Variants in RHOC observed in about 807,000 individuals in gnomAD.
RHOC encodes the protein rho-related GTP-binding protein RhoC.
RHOC carries 13 observed loss-of-function variants against 19.5 expected under a neutral mutation model. That is an observed-to-expected ratio of 0.67 (90% CI 0.43 to 1.06). The LOEUF is 1.06. Ranked by LOEUF, RHOC falls within the 50% of genes least tolerant of loss-of-function variation. The pLI, the probability that RHOC is intolerant of heterozygous loss-of-function variation, is 0.00. For missense variants in RHOC, 173 were observed against 256.9 expected, an observed-to-expected ratio of 0.67 and a Z score of 2.23; for synonymous variants, 106 against 97.3, an observed-to-expected ratio of 1.09 and a Z score of -0.52.
At chr1:112,702,208 C>T (rs1674670694) in intron 5 of RHOC, among the ~76,000 whole-genome samples, 1 of 152,130 alleles carries the variant, frequency 6.6e-6, no homozygotes, top group Admixed American at 6.5e-5. Context: ...TGCCCTCATT[C>T]CCGCATCCAC....
At chr1:112,704,693 GC>G (rs923180284) in intron 2 of RHOC, 4 of 192,176 alleles carry the variant, frequency 2.1e-5, no homozygotes, top group African/African-American at 9.2e-5. Context: ...GGTCCCCAAA[GC>G]CCCAAGTAAT....
At chr1:112,705,294 C>T in intron 1 of RHOC, 126 bp from the exon 2 acceptor site, 1 of 658,042 alleles carries the variant, frequency 1.5e-6, no homozygotes, top group East Asian at 2.7e-5. Flanking sequence ...AACCTGATCT[C>T]AGCCTCAAAC....
chr1:112,702,828 A>G, intron 4 of RHOC, 135 bp from the exon 5 acceptor site: 1 of 1,370,838 alleles, frequency 7.3e-7, no homozygotes, highest in South Asian at 1.3e-5. Context: ...CAAAACCTCA[A>G]CAGTAGTATG....
At position 112,701,541 on chromosome 1, in the gene RHOC, C is replaced by G. The variant is rs780659247; in HGVS notation, c.581G>C (p.Ter194SerextTer31). 1 of 1,613,988 alleles carries G rather than the reference C, an allele frequency of 6.2e-7. No individual in the cohort carries two copies. Among genetic ancestry groups the G allele is most frequent in the Non-Finnish European group, 8.5e-7 (1 of 1,180,000 alleles). The part of the protein sequence containing the change: ...NKRRRGCPIL[*>S] ...CATGTAGGAAAGGCCTTGGGGATCT[C>G]AGAGAATGGGACAGCCCCTCCGACG... Residue 194 changes from the stop codon to serine (S), a stop_lost, in exon 6 of 6, where the codon TGA (stop) becomes TCA (serine). Transcript: ENST00000339083.
intron 1 of RHOC, 110 bp from the exon 2 acceptor site, chr1:112,705,278 G>A (rs942896603): frequency 3.0e-6 from 2 of 676,052 alleles, no homozygotes; most frequent in Non-Finnish European, 5.4e-6. Context: ...TTAAGAAAGC[G>A]ACGGTAACCT....
At chr1:112,705,001 T>G in intron 2 of RHOC, 99 bp downstream of exon 2, 1 of 668,430 alleles carries the variant, frequency 1.5e-6, no homozygotes, top group Non-Finnish European at 2.8e-6. Flanking sequence ...CGGGCTTCCA[T>G]GTGTCCCCCA....
In RHOC at chr1:112,703,105, C is replaced by G; in HGVS notation, c.171G>C (p.Leu57=). The part of the protein sequence containing the change: ...EVDGKQVELA[L]WDTAGQEDYD... ...AGTCTTCCTGCCCTGCTGTGTCCCACAGAGCCAGCTCCACCTGACACACAG... is the reference window on the plus strand; with the variant it reads ...AGTCTTCCTGCCCTGCTGTGTCCCAGAGAGCCAGCTCCACCTGACACACAG... The change falls in exon 4 of 6, where the codon CTG becomes CTC. Residue 57 remains leucine (L), a synonymous_variant. Coordinates refer to ENST00000339083, the MANE Select transcript of RHOC (RefSeq NM_175744.5). The G allele has an allele frequency of 6.2e-7, 1 of 1,614,158 alleles. No homozygotes were observed. Among genetic ancestry groups the G allele is most frequent in the Non-Finnish European group, 8.5e-7 (1 of 1,180,008 alleles).
At chr1:112,703,622 G>A in intron 3 of RHOC, 22 bp downstream of exon 3, 2 of 1,601,160 alleles carry the variant, frequency 1.2e-6, no homozygotes, top group South Asian at 1.1e-5. Context: ...GGGTGGGGTG[G>A]GAAGGGCATT....
intron 3 of RHOC, 192 bp from the exon 4 acceptor site, chr1:112,703,311 G>GC: frequency 1.4e-6 from 1 of 740,280 alleles, no homozygotes; most frequent in South Asian, 1.6e-5. Context: ...AGACGTGTTT[G>GC]ACCCTTGAGT....
chr1:112,701,261 T>C lies in RHOC; in HGVS notation c.*279A>G. 1 of 770,882 alleles carries C rather than the reference T, an allele frequency of 1.3e-6. No individual in the cohort carries two copies. Among genetic ancestry groups the C allele is most frequent in the Non-Finnish European group, 2.0e-6 (1 of 490,038 alleles). The allele number at this position is 770,882 out of a possible 1,614,324, so 47.8% of individuals were successfully genotyped here. ...CAGACACTTTCCTGTGAGCCAGAAG[T>C]GTATAAAGTGCTGGTGTGTGACCAT... is the stretch of plus-strand genomic sequence containing the variant. On this transcript the variant is annotated 3_prime_UTR_variant, in exon 6 of 6. Transcript: ENST00000339083.
rs1283832866 is a variant in RHOC, at chr1:112,703,075, A to G, written c.201T>C (p.Asp67=). 2 of 1,614,060 alleles carry G rather than the reference A, an allele frequency of 1.2e-6. No homozygotes were observed. The highest frequency in any genetic ancestry group is 1.7e-5 in the Admixed American group (1 of 60,004). Residue 67 remains aspartate (D), a synonymous_variant, in exon 4 of 6, where the codon GAT becomes GAC. Coordinates refer to ENST00000339083, the MANE Select transcript of RHOC (RefSeq NM_175744.5). ...CCGGGTAGGAGAGAGGCCGCAGTCG[A>G]TCATAGTCTTCCTGCCCTGCTGTGT... The part of the protein sequence containing the change: ...LWDTAGQEDY[D]RLRPLSYPDT...
intron 1 of RHOC, 43 bp from the exon 2 acceptor site, chr1:112,705,211 G>A: frequency 4.3e-6 from 3 of 701,748 alleles, no homozygotes; most frequent in South Asian, 3.0e-5. Context: ...GCTGGGAGGA[G>A]CCCCAAAAGA....
intron 1 of RHOC, among the ~76,000 whole-genome samples, chr1:112,706,424 T>TACACACACACA (rs1674841154): frequency 7.0e-5 from 5 of 71,090 alleles, no homozygotes; most frequent in Non-Finnish European, 8.8e-5. Context: ...TCTCTCTCTC[T>TACACACACACA]CTCTCTACAC....
At position 112,701,222 on chromosome 1, in the gene RHOC, T is replaced by C. The variant is rs912228249; in HGVS notation, c.*318A>G. 1 of 637,532 alleles carries C rather than the reference T, an allele frequency of 1.6e-6. No homozygotes were observed. The highest frequency in any genetic ancestry group is 2.7e-6 in the Non-Finnish European group (1 of 376,666). 39.5% of individuals were successfully genotyped at this position (637,532 alleles called of 1,614,324 possible). On this transcript the variant is annotated 3_prime_UTR_variant, in exon 6 of 6. Transcript: ENST00000339083. ...AAACAACTCCAGGGGCCTGGGACTC[T>C]GGGTCCCCTACTGCAGACACTTTCC...
intron 3 of RHOC, 162 bp from the exon 4 acceptor site, chr1:112,703,281 C>A: frequency 1.2e-6 from 1 of 824,316 alleles, no homozygotes; most frequent in Non-Finnish European, 1.9e-6. Context: ...TAAATTAGGT[C>A]AGTTTGTTAA....
chr1:112,706,428 T>TACACACACACACA (rs1570835278), intron 1 of RHOC, among the ~76,000 whole-genome samples: 3 of 41,484 alleles, frequency 7.2e-5, no homozygotes. Context: ...TCTCTCTCTC[T>TACACACACACACA]CTACACACAC....
chr1:112,705,006 C>A (rs1472730605), intron 2 of RHOC, 94 bp downstream of exon 2: 2 of 675,518 alleles, frequency 3.0e-6, no homozygotes, highest in South Asian at 1.5e-5. Context: ...TTCCATGTGT[C>A]CCCCACCCCC....
intron 2 of RHOC, chr1:112,704,419 A>G (rs1272742931): frequency 6.5e-6 from 1 of 153,244 alleles, no homozygotes; most frequent in Non-Finnish European, 1.5e-5. Context: ...GGCAGGAATT[A>G]TCTCCTTCGG....
Position 112,701,327 on chromosome 1 carries a change from C to G in RHOC, c.*213G>C. On this transcript the variant is annotated 3_prime_UTR_variant, in exon 6 of 6. Transcript: ENST00000339083. ...AAAGGGGGCAAGATCCCCAGGGGCC[C>G]TGAGGAAGGGCAGGGCATAGGCGTG... 1 of 1,406,656 alleles carries G rather than the reference C, an allele frequency of 7.1e-7. No individual in the cohort carries two copies. The highest frequency in any genetic ancestry group is 1.4e-5 in the African/African-American group (1 of 69,420). 87.1% of individuals were successfully genotyped at this position (1,406,656 alleles called of 1,614,324 possible).
Sources: allele counts gnomAD v4.1 joint callset (sites outside exome capture counted in the v4.1 genomes callset), GRCh38; gene constraint gnomAD v4.1.1; transcripts MANE v1.5; gene names NCBI Gene and HGNC (gene_info 2026-07-23, HGNC 2026-07-21).